Variants in POU6F2 observed in about 807,000 individuals in gnomAD.
POU6F2 encodes the protein POU class 6 homeobox 2, also known as POU domain, class 6, transcription factor 2.
A neutral mutation model predicts 71.3 loss-of-function variants in POU6F2; 31 were observed. That is an observed-to-expected ratio of 0.43 (90% CI 0.33 to 0.59). The LOEUF (loss-of-function observed/expected upper bound fraction) is 0.59, where lower values mean the gene tolerates loss of function less well. Ranked by LOEUF, POU6F2 falls within the 20% of genes least tolerant of loss-of-function variation. POU6F2 has a pLI of 0.04. For missense variants in POU6F2, 783 were observed against 856.8 expected (o/e 0.91, Z 1.07); for synonymous variants, 347 against 355.7 (o/e 0.98, Z 0.27).
chr7:39,086,175 C>T, intron 2 of POU6F2, 144 bp downstream of exon 2: 1 of 860,136 alleles, frequency 1.2e-6, no homozygotes, highest in Non-Finnish European at 1.7e-6. Flanking sequence ...TGCTAAGCCA[C>T]TGAAGCTGAT....
chr7:39,250,030 G>A (rs1783886827), intron 4 of POU6F2, among the ~76,000 whole-genome samples: 1 of 152,186 alleles, frequency 6.6e-6, no homozygotes, highest in African/African-American at 2.4e-5. Flanking sequence ...CAGCACTGAA[G>A]GACAAAAGCT....
chr7:39,009,561 T>C (rs954036002), intron 1 of POU6F2, among the ~76,000 whole-genome samples: 6 of 152,222 alleles, frequency 3.9e-5, no homozygotes, highest in Non-Finnish European at 5.9e-5. Context: ...AACACTATGT[T>C]GAATAGGAGT....
At chr7:39,235,754 C>T (rs1428920310) in intron 4 of POU6F2, among the ~76,000 whole-genome samples, 2 of 152,178 alleles carry the variant, frequency 1.3e-5, no homozygotes, top group Non-Finnish European at 2.9e-5. Flanking sequence ...CTGTCACTTT[C>T]CACCGTCACC....
intron 5 of POU6F2, among the ~76,000 whole-genome samples, chr7:39,351,421 T>C (rs768131610): frequency 3.9e-5 from 6 of 152,310 alleles, no homozygotes; most frequent in Non-Finnish European, 8.8e-5. Context: ...TAGCCCGATA[T>C]CTGCAGAAAA....
chr7:39,401,394 GTGT>G (rs1244447891), intron 5 of POU6F2, among the ~76,000 whole-genome samples: 1 of 152,172 alleles, frequency 6.6e-6, no homozygotes, highest in African/African-American at 2.4e-5. Flanking sequence ...TGTTATGAGG[GTGT>G]TGTTATAACA....
chr7:39,120,893 G>T (rs1250995311), intron 2 of POU6F2: 2 of 152,046 alleles, frequency 1.3e-5, no homozygotes, highest in Non-Finnish European at 2.9e-5. Context: ...CACATAAACT[G>T]GAGAAATTGG....
At chr7:39,153,283 A>G (rs1792797819) in intron 2 of POU6F2, among the ~76,000 whole-genome samples, 1 of 152,164 alleles carries the variant, frequency 6.6e-6, no homozygotes, top group African/African-American at 2.4e-5. Flanking sequence ...CTTTAAAAAA[A>G]TAGATTGATC....
rs1262510736 is a variant in POU6F2, at chr7:38,995,733, A to C, written c.105+17675A>C. On this transcript the variant is annotated intron_variant, in intron 1 of 9. Coordinates refer to ENST00000518318, the MANE Select transcript of POU6F2 (RefSeq NM_001370959.1). Reference sequence around the variant, plus strand: ...GCACAACTTAGCTCCTCTGTGTTTCAGTTCTTGAACAGTGAAGCAAGAGTT... The same window carrying C: ...GCACAACTTAGCTCCTCTGTGTTTCCGTTCTTGAACAGTGAAGCAAGAGTT... Among the ~76,000 whole-genome samples the C allele has an allele frequency of 2.7e-4, 41 of 152,212 alleles. 1 individual carries two copies. The highest frequency in any genetic ancestry group is 2.7e-3 in the Admixed American group (41 of 15,276).
chr7:39,268,323 A>T (rs571333184), intron 4 of POU6F2, among the ~76,000 whole-genome samples: 81 of 152,302 alleles, frequency 5.3e-4, no homozygotes, highest in African/African-American at 1.9e-3. Flanking sequence ...GCCAGTTTAG[A>T]TCTGCCTGAT....
chr7:39,125,357 G>T (rs1189482959), intron 2 of POU6F2, among the ~76,000 whole-genome samples: 1 of 151,916 alleles, frequency 6.6e-6, no homozygotes, highest in African/African-American at 2.4e-5. Flanking sequence ...TTCCATTGTG[G>T]GTCCCCAGTT....
chr7:39,455,043 T>A (rs1469657658), intron 8 of POU6F2, among the ~76,000 whole-genome samples: 1 of 152,094 alleles, frequency 6.6e-6, no homozygotes, highest in Non-Finnish European at 1.5e-5. Flanking sequence ...CTACACACCT[T>A]GCCTTGTGTT....
chr7:39,278,436 T>C (rs946146271), intron 4 of POU6F2, among the ~76,000 whole-genome samples: 1 of 152,134 alleles, frequency 6.6e-6, no homozygotes, highest in African/African-American at 2.4e-5. Flanking sequence ...AAGTGGCCAA[T>C]ATTCTTCCAC....
At chr7:39,036,082 C>A (rs1051080699) in intron 1 of POU6F2, among the ~76,000 whole-genome samples, 2 of 152,094 alleles carry the variant, frequency 1.3e-5, no homozygotes, top group Admixed American at 6.6e-5. Flanking sequence ...CAGGTGGAGC[C>A]TTTGCCTACA....
At chr7:39,146,228 TG>T (rs972146020) in intron 2 of POU6F2, among the ~76,000 whole-genome samples, 1 of 152,066 alleles carries the variant, frequency 6.6e-6, no homozygotes, top group Non-Finnish European at 1.5e-5. Flanking sequence ...TTTTGGAGGG[TG>T]GGCATGGTAG....
intron 2 of POU6F2, among the ~76,000 whole-genome samples, chr7:39,149,095 G>GTCAAGGGGTTATC (rs1792686806): frequency 6.6e-6 from 1 of 152,164 alleles, no homozygotes; most frequent in Admixed American, 6.5e-5. Flanking sequence ...CAGAGAAGGG[G>GTCAAGGGGTTATC]TCAAGGGGTT....
intron 2 of POU6F2, among the ~76,000 whole-genome samples, chr7:39,175,736 T>C (rs890425981): frequency 2.0e-5 from 3 of 152,194 alleles, no homozygotes; most frequent in Admixed American, 6.5e-5. Context: ...TGTGGCCTCA[T>C]GTATGGCCAC....
intron 7 of POU6F2, among the ~76,000 whole-genome samples, chr7:39,434,668 C>CA (rs1788192274): frequency 6.7e-6 from 1 of 149,578 alleles, no homozygotes. Context: ...AAAGCAAAAA[C>CA]AAAAAACACA....
intron 4 of POU6F2, among the ~76,000 whole-genome samples, chr7:39,334,911 G>A (rs532059770): frequency 6.2e-4 from 94 of 152,274 alleles, no homozygotes; most frequent in African/African-American, 2.2e-3. Flanking sequence ...CTTTACAACT[G>A]GGGCTGATCT....
At position 39,444,492 on chromosome 7, in the gene POU6F2, G is replaced by A. The variant is rs560726972; in HGVS notation, c.1321-7041G>A. 5.9e-5 allele frequency among the ~76,000 whole-genome samples: 9 copies of A among 152,334 alleles called. 1 individual carries two copies. The South Asian group carries it at 1.4e-3, about 25-fold the overall frequency. On this transcript the variant is annotated intron_variant, in intron 7 of 9. Coordinates refer to ENST00000518318, the MANE Select transcript of POU6F2 (RefSeq NM_001370959.1). ...CCAGCTACTTGGGAGGCTAAGGCAC[G>A]AGAATCACTTGAGTCTGGGAGGCAG...
Sources: gnomAD v4.1 joint callset for allele counts (sites outside exome capture counted in the v4.1 genomes callset) on GRCh38, gnomAD v4.1.1 for gene constraint, MANE v1.5 for transcripts, NCBI Gene and HGNC (gene_info 2026-07-23, HGNC 2026-07-21) for gene names.